Variants in PDGFD observed in about 807,000 individuals in gnomAD.
PDGFD encodes the protein platelet-derived growth factor D.
In PDGFD, 30 loss-of-function variants were observed where a neutral mutation model predicts 44.7. That is an observed-to-expected ratio of 0.67 (90% CI 0.50 to 0.91). The LOEUF (loss-of-function observed/expected upper bound fraction) is 0.91, where lower values mean the gene tolerates loss of function less well. Among genes scored for constraint, PDGFD ranks in the 40% least tolerant of loss-of-function variants. The pLI is 0.00. For missense variants in PDGFD, 445 were observed against 457.8 expected, an observed-to-expected ratio of 0.97 and a Z score of 0.25; for synonymous variants, 173 against 168.4, an observed-to-expected ratio of 1.03 and a Z score of -0.21.
chr11:104,012,323 C>T (rs750943741), intron 1 of PDGFD, among the ~76,000 whole-genome samples: 4 of 151,886 alleles, frequency 2.6e-5, no homozygotes, highest in Non-Finnish European at 5.9e-5. Context: ...ACTGAATTAC[C>T]GAAGTGATTT....
chr11:103,957,304 T>C (rs901793096), intron 3 of PDGFD, among the ~76,000 whole-genome samples: 2 of 152,194 alleles, frequency 1.3e-5, no homozygotes, highest in Non-Finnish European at 2.9e-5. Flanking sequence ...AGGTAATTTA[T>C]AGATTCAATG....
At chr11:103,948,396 C>T (rs1858693504) in intron 3 of PDGFD, among the ~76,000 whole-genome samples, 2 of 152,092 alleles carry the variant, frequency 1.3e-5, no homozygotes, top group South Asian at 4.1e-4. Context: ...CTCAGATAAG[C>T]CTTAGTGGAT....
At chr11:103,940,534 A>G (rs1858566863) in intron 5 of PDGFD, among the ~76,000 whole-genome samples, 1 of 152,108 alleles carries the variant, frequency 6.6e-6, no homozygotes, top group Non-Finnish European at 1.5e-5. Context: ...TCCATTATCC[A>G]TCGCTATTTT....
chr11:104,032,357 A>G (rs1407357584), intron 1 of PDGFD, among the ~76,000 whole-genome samples: 1 of 152,186 alleles, frequency 6.6e-6, no homozygotes, highest in Admixed American at 6.5e-5. Flanking sequence ...AAAATTCTGC[A>G]TCTTTTCTAA....
chr11:104,119,581 A>G (rs1407823482), intron 1 of PDGFD, among the ~76,000 whole-genome samples: 1 of 95,116 alleles, frequency 1.1e-5, no homozygotes, highest in Non-Finnish European at 1.8e-5. Context: ...TTAATATAAT[A>G]TATTGATATA....
intron 1 of PDGFD, chr11:104,037,561 A>C: frequency 6.2e-7 from 1 of 1,614,022 alleles, no homozygotes; most frequent in Non-Finnish European, 8.5e-7. Flanking sequence ...GCTCTACATT[A>C]ACTGCAAAGT....
At chr11:104,003,232 T>A (rs79005481) in intron 1 of PDGFD, among the ~76,000 whole-genome samples, 5,257 of 152,344 alleles carry the variant, frequency 0.035, 323 homozygotes, top group African/African-American at 0.12. Flanking sequence ...TGTGTACATA[T>A]GATCCTTGCA....
At chr11:104,132,938 A>G (rs751449070) in intron 1 of PDGFD, among the ~76,000 whole-genome samples, 15 of 152,240 alleles carry the variant, frequency 9.9e-5, no homozygotes, top group Admixed American at 7.2e-4. Context: ...AATAATCTTG[A>G]TATCTCAGCA....
intron 1 of PDGFD, among the ~76,000 whole-genome samples, chr11:104,109,465 A>G (rs1861519641): frequency 1.3e-5 from 2 of 152,310 alleles, no homozygotes; most frequent in South Asian, 4.1e-4. Context: ...GTATGCTAAA[A>G]AAAAGTCTTT....
intron 1 of PDGFD, among the ~76,000 whole-genome samples, chr11:104,150,886 T>C (rs1012303658): frequency 6.6e-6 from 1 of 152,196 alleles, no homozygotes. Flanking sequence ...CTCTTGCATA[T>C]AAAGTAACAT....
At chr11:104,011,817 TA>T (rs970653033) in intron 1 of PDGFD, among the ~76,000 whole-genome samples, 3 of 152,056 alleles carry the variant, frequency 2.0e-5, no homozygotes, top group East Asian at 3.9e-4. Context: ...GTAAATATAC[TA>T]AAAAAATGAA....
chr11:104,079,580 G>T (rs897496929), intron 1 of PDGFD, among the ~76,000 whole-genome samples: 40 of 152,076 alleles, frequency 2.6e-4, no homozygotes, highest in African/African-American at 8.9e-4. Flanking sequence ...GTAGAGATGG[G>T]GTTTCACTAT....
intron 1 of PDGFD, among the ~76,000 whole-genome samples, chr11:104,119,985 TATTA>T (rs1208520448): frequency 9.0e-4 from 129 of 142,790 alleles, no homozygotes; most frequent in African/African-American, 3.2e-3. Flanking sequence ...GTATCATAAT[TATTA>T]ATTAAATTAA....
chr11:104,022,639 C>G (rs1016809470), intron 1 of PDGFD, among the ~76,000 whole-genome samples: 2 of 152,054 alleles, frequency 1.3e-5, no homozygotes, highest in African/African-American at 4.8e-5. Context: ...TTTGTTTTTA[C>G]TATGCTAAGC....
intron 1 of PDGFD, among the ~76,000 whole-genome samples, chr11:104,013,409 G>T (rs1043236935): frequency 1.3e-5 from 2 of 152,226 alleles, no homozygotes; most frequent in East Asian, 3.9e-4. Flanking sequence ...TACTAAAAGA[G>T]CATTAATTGT....
At chr11:103,931,252 G>T (rs998646304) in intron 5 of PDGFD, among the ~76,000 whole-genome samples, 2 of 152,028 alleles carry the variant, frequency 1.3e-5, no homozygotes, top group Non-Finnish European at 2.9e-5. Context: ...TGCCTTACTG[G>T]GTCAAAATCA....
In PDGFD at chr11:104,163,972, G is replaced by A. The variant is rs777191908; in HGVS notation, c.-45C>T. 6.7e-7 allele frequency: 1 copy of A among 1,492,512 alleles called. No homozygotes were observed. 92.5% of individuals were successfully genotyped at this position (1,492,512 alleles called of 1,614,324 possible). A position where few individuals can be genotyped will look rare whatever the true frequency, so the allele number is the denominator to read the frequency against. ...ACAGCGTCGCTCCAAGAAAAAGCCG[G>A]GTTCTGCTCCCGGGACCGACGCCGC... is the stretch of plus-strand genomic sequence containing the variant. On this transcript the variant is annotated 5_prime_UTR_variant, in exon 1 of 7. Transcript: ENST00000393158.
chr11:103,974,831 A>G (rs1859158460), intron 3 of PDGFD, among the ~76,000 whole-genome samples: 1 of 152,050 alleles, frequency 6.6e-6, no homozygotes, highest in African/African-American at 2.4e-5. Context: ...GAACACATTA[A>G]TTTTTATGGC....
intron 1 of PDGFD, among the ~76,000 whole-genome samples, chr11:104,041,807 A>C (rs1197230990): frequency 6.6e-6 from 1 of 152,202 alleles, no homozygotes; most frequent in East Asian, 1.9e-4. Context: ...TCTAGGGGGA[A>C]ATCTGTTCTG....
Sources: gnomAD v4.1 joint callset for allele counts (sites outside exome capture counted in the v4.1 genomes callset) on GRCh38, gnomAD v4.1.1 for gene constraint, MANE v1.5 for transcripts, NCBI Gene and HGNC (gene_info 2026-07-23, HGNC 2026-07-21) for gene names.